Variants in GPR137B observed in about 807,000 individuals in gnomAD.
GPR137B encodes integral membrane protein GPR137B.
A neutral mutation model predicts 42.5 loss-of-function variants in GPR137B; 42 were observed. The observed-to-expected ratio is 0.99, with a 90% CI of 0.77 to 1.28. The LOEUF (loss-of-function observed/expected upper bound fraction) is 1.28. Among genes scored for constraint, GPR137B ranks in the 50% most tolerant of loss-of-function variants. The probability of loss-of-function intolerance (pLI) is 0.00; values close to 1 mark genes in which losing one functional copy is unlikely to be tolerated. For missense variants in GPR137B, 487 were observed against 493.9 expected (o/e 0.99, Z 0.13); for synonymous variants, 218 against 209.7 (o/e 1.04, Z -0.34).
rs1661842209 is a variant in GPR137B, at chr1:236,150,992, C to T, written c.414+7956C>T. ...AGAGGAACATTTGCAAGATCCAAGA[C>T]CCTCTACAAAATCTCACTGCAAGCG... On this transcript the variant is annotated intron_variant, in intron 1 of 6. Transcript: ENST00000366592. This position sits in a 1 kb window ranked among gnomAD's most constrained non-coding sequence, Gnocchi z 6.2. 1.3e-5 allele frequency among the ~76,000 whole-genome samples: 2 copies of T among 152,184 alleles called. No individual in the cohort carries two copies. The highest frequency in any genetic ancestry group is 2.9e-5 in the Non-Finnish European group (2 of 68,044).
Position 236,155,317 on chromosome 1 carries a change from T to TA in GPR137B, c.414+12283dup, listed in dbSNP as rs2102894357. ...GAAGCAGCTTAATGAATATTTGTCC[T>TA]AATGCTTTCACCTCGCAGATAGACA... On this transcript the variant is annotated intron_variant, in intron 1 of 6. Transcript: ENST00000366592. This position sits in a 1 kb window ranked among gnomAD's most constrained non-coding sequence, Gnocchi z 4.6. Among the ~76,000 whole-genome samples, 1 of 152,302 alleles carries TA rather than the reference T, an allele frequency of 6.6e-6. No homozygotes were observed. The highest frequency in any genetic ancestry group is 2.4e-5 in the African/African-American group (1 of 41,560).
At chr1:236,152,443 T>C (rs1661894661) in intron 1 of GPR137B, among the ~76,000 whole-genome samples, 1 of 151,400 alleles carries the variant, frequency 6.6e-6, no homozygotes, top group Non-Finnish European at 1.5e-5. Context: ...GCCTGGGTGA[T>C]AGAGCGAGAC....
At chr1:236,196,833 A>T (rs1388307815) in intron 5 of GPR137B, among the ~76,000 whole-genome samples, 1 of 151,952 alleles carries the variant, frequency 6.6e-6, no homozygotes, top group Non-Finnish European at 1.5e-5. Flanking sequence ...TATATATACC[A>T]TTTTTCTTTA....
Position 236,142,584 on chromosome 1 carries a change from C to T in GPR137B, c.-39C>T, listed in dbSNP as rs1273318884. The T allele has an allele frequency of 2.4e-6, 3 of 1,224,668 alleles. No individual in the cohort carries two copies. Among genetic ancestry groups the T allele is most frequent in the Non-Finnish European group, 3.1e-6 (3 of 965,778 alleles). The allele number at this position is 1,224,668 out of a possible 1,614,324, so 75.9% of individuals were successfully genotyped here. ...GGGGCTGCAGGCTGAGCGCGATGCG[C>T]GGAGACCCCCGCGGGGGCGGCGGCG... On this transcript the variant is annotated 5_prime_UTR_variant, in exon 1 of 7. Coordinates refer to ENST00000366592, the MANE Select transcript of GPR137B (RefSeq NM_003272.4).
At chr1:236,176,005 C>G (rs1350901978) in intron 2 of GPR137B, among the ~76,000 whole-genome samples, 2 of 152,118 alleles carry the variant, frequency 1.3e-5, no homozygotes, top group Non-Finnish European at 2.9e-5. Context: ...AACATGAAAA[C>G]ATGAAGCAAA....
At position 236,208,412 on chromosome 1, in the gene GPR137B, T is replaced by C. The variant is rs181249728; in HGVS notation, c.*254T>C. On this transcript the variant is annotated 3_prime_UTR_variant, in exon 7 of 7. Coordinates refer to ENST00000366592, the MANE Select transcript of GPR137B (RefSeq NM_003272.4). ...AAGAAAATCTGTACTTTTATAAAGA[T>C]GTATTTTGTATAACTTAAATAATAA... The C allele has an allele frequency of 9.6e-7, 1 of 1,043,280 alleles. No homozygotes were observed. Among genetic ancestry groups the C allele is most frequent in the African/African-American group, 1.6e-5 (1 of 61,072 alleles). 64.6% of individuals were successfully genotyped at this position (1,043,280 alleles called of 1,614,324 possible).
chr1:236,184,336 A>T (rs761648503), intron 5 of GPR137B, among the ~76,000 whole-genome samples: 15 of 152,202 alleles, frequency 9.9e-5, no homozygotes, highest in Non-Finnish European at 1.8e-4. Flanking sequence ...GAATGGGAGG[A>T]TAGGGCAATA....
chr1:236,194,385 G>A (rs1925366), intron 5 of GPR137B, among the ~76,000 whole-genome samples: 85,454 of 151,866 alleles, frequency 0.56, 27,488 homozygotes, highest in African/African-American at 0.86. Context: ...ATTCTTTTGC[G>A]CGTGGCTCAT....
chr1:236,205,231 C>T lies in GPR137B; in HGVS notation c.1072C>T (p.Pro358Ser). 1 of 1,613,346 alleles carries T rather than the reference C, an allele frequency of 6.2e-7. No individual in the cohort carries two copies. The change falls in exon 6 of 7, where the codon CCT becomes TCT. Residue 358 changes from proline (P) to serine (S), a missense_variant. Coordinates refer to ENST00000366592, the MANE Select transcript of GPR137B (RefSeq NM_003272.4). ...SDDDLAWNIA[P>S]QGLQGGFAPD... Reference sequence around the variant, plus strand: ...TGATGACCTTGCCTGGAACATTGCCCCTCAGGGACTTCAGGGAGGGTAAGA... The same window carrying T: ...TGATGACCTTGCCTGGAACATTGCCTCTCAGGGACTTCAGGGAGGGTAAGA...
intron 1 of GPR137B, among the ~76,000 whole-genome samples, chr1:236,165,622 A>G (rs1487888345): frequency 6.6e-6 from 1 of 152,202 alleles, no homozygotes; most frequent in African/African-American, 2.4e-5. Context: ...CCTTCTGTTC[A>G]TACTTGGTTC....
At chr1:236,157,574 C>T (rs930198393) in intron 1 of GPR137B, among the ~76,000 whole-genome samples, 13 of 152,114 alleles carry the variant, frequency 8.5e-5, no homozygotes, top group Admixed American at 5.9e-4. Context: ...AGAGGGCTAC[C>T]GGTTGTGGCC....
chr1:236,169,573 G>A (rs905750197), intron 2 of GPR137B, among the ~76,000 whole-genome samples: 2 of 152,206 alleles, frequency 1.3e-5, no homozygotes, highest in Admixed American at 6.5e-5. Flanking sequence ...ATGGACACCG[G>A]GAGGCATGGA....
intron 1 of GPR137B, among the ~76,000 whole-genome samples, chr1:236,144,086 CTT>C (rs56006687): frequency 0.033 from 4,854 of 145,094 alleles, 243 homozygotes; most frequent in African/African-American, 0.11. Context: ...TTTTAAGTGT[CTT>C]TTTTTTTTTT....
intron 6 of GPR137B, among the ~76,000 whole-genome samples, chr1:236,207,728 A>AC (rs1444047983): frequency 6.6e-6 from 1 of 152,232 alleles, no homozygotes; most frequent in Non-Finnish European, 1.5e-5. Context: ...CAAAGACACC[A>AC]CCACAGGTTG....
Position 236,179,918 on chromosome 1 carries a change from G to A in GPR137B, c.727G>A (p.Val243Met), listed in dbSNP as rs762450998. 9 of 1,606,804 alleles carry A rather than the reference G, an allele frequency of 5.6e-6. No homozygotes were observed. The highest frequency in any genetic ancestry group is 7.6e-6 in the Non-Finnish European group (9 of 1,176,514). ...TCAAGTGACTGCCATCGGTGTCACC[G>A]TGATACTGCTTTACACCTCTCGGGC... The part of the protein sequence containing the change: ...VCQVTAIGVT[V>M]ILLYTSRACY... Residue 243 changes from valine (V) to methionine (M), a missense_variant, in exon 4 of 7, where the codon GTG (valine) becomes ATG (methionine). Val to Met is a conservative substitution (Grantham distance 21, BLOSUM62 1). Coordinates refer to ENST00000366592, the MANE Select transcript of GPR137B (RefSeq NM_003272.4).
intron 5 of GPR137B, among the ~76,000 whole-genome samples, chr1:236,201,757 C>A (rs74686708): frequency 0.011 from 1,605 of 152,132 alleles, 54 homozygotes; most frequent in African/African-American, 0.037. Flanking sequence ...ATTTATCTGG[C>A]AATTCAGGTA....
chr1:236,168,666 A>T (rs751838364), intron 1 of GPR137B, 40 bp from the exon 2 acceptor site: 2 of 1,544,922 alleles, frequency 1.3e-6, no homozygotes, highest in African/African-American at 1.4e-5. Context: ...TTCTGTCAAC[A>T]TATTGGACCC....
chr1:236,175,769 C>T (rs997009887), intron 2 of GPR137B, among the ~76,000 whole-genome samples: 18 of 152,118 alleles, frequency 1.2e-4, no homozygotes, highest in Admixed American at 7.9e-4. Flanking sequence ...TTATTTCCCT[C>T]GCCCACTCCA....
intron 5 of GPR137B, among the ~76,000 whole-genome samples, chr1:236,197,688 T>A (rs1413194745): frequency 1.3e-5 from 2 of 152,158 alleles, no homozygotes; most frequent in Admixed American, 6.6e-5. Flanking sequence ...TGAAGATCAG[T>A]TGTCTGTACA....
Sources: gnomAD v4.1 joint callset for allele counts (sites outside exome capture counted in the v4.1 genomes callset) on GRCh38, gnomAD v4.1.1 for gene constraint, Gnocchi (gnomAD v3.1) non-coding constraint, MANE v1.5 for transcripts, NCBI Gene and HGNC (gene_info 2026-07-23, HGNC 2026-07-21) for gene names.